Variants in MINDY4 observed in about 807,000 individuals in gnomAD.
MINDY4 encodes MINDY lysine 48 deubiquitinase 4.
Under a neutral mutation model 87.0 loss-of-function variants are expected in MINDY4, and 68 were observed. The observed-to-expected ratio is 0.78, with a 90% CI of 0.64 to 0.96. The LOEUF (loss-of-function observed/expected upper bound fraction) is 0.96, where lower values mean the gene tolerates loss of function less well. Among genes scored for constraint, MINDY4 ranks in the 40% least tolerant of loss-of-function variants. MINDY4 has a pLI of 0.00. For missense variants in MINDY4, 919 were observed against 928.2 expected (o/e 0.99, Z 0.13); for synonymous variants, 379 against 363.2 (o/e 1.04, Z -0.50).
At chr7:30,816,090 C>T (rs1403217627) in intron 5 of MINDY4, among the ~76,000 whole-genome samples, 1 of 151,982 alleles carries the variant, frequency 6.6e-6, no homozygotes, top group Non-Finnish European at 1.5e-5. Flanking sequence ...TTAGCCTTTT[C>T]AGCCCTTCCA....
At chr7:30,788,693 G>A (rs982943307) in intron 4 of MINDY4, among the ~76,000 whole-genome samples, 6 of 152,088 alleles carry the variant, frequency 3.9e-5, no homozygotes, top group East Asian at 1.9e-4. Flanking sequence ...AAATACCCAC[G>A]CTTGAGTAAC....
At chr7:30,879,996 G>T (rs984347233) in intron 15 of MINDY4, among the ~76,000 whole-genome samples, 4 of 152,214 alleles carry the variant, frequency 2.6e-5, no homozygotes, top group Admixed American at 6.5e-5. Flanking sequence ...GTGGAAATGT[G>T]TGGGTTTGAT....
In MINDY4 at chr7:30,883,003, G is replaced by A; in HGVS notation, c.2225+10G>A. The A allele has an allele frequency of 6.2e-7, 1 of 1,613,512 alleles. No individual in the cohort carries two copies. The highest frequency in any genetic ancestry group is 8.5e-7 in the Non-Finnish European group (1 of 1,179,612). ...TCTGCATCAGAACCAAGTGAGTCAA[G>A]CCCCTCTCTGGCTTTGAGCCTCACC... On this transcript the variant is annotated intron_variant, in intron 17 of 17. Coordinates refer to ENST00000265299, the MANE Select transcript of MINDY4 (RefSeq NM_032222.3).
chr7:30,882,412 C>T, intron 16 of MINDY4, 51 bp downstream of exon 16: 1 of 1,427,884 alleles, frequency 7.0e-7, no homozygotes. Context: ...AAGGAGCCTC[C>T]AGGCTGGTCA....
At position 30,863,963 on chromosome 7, in the gene MINDY4, G is replaced by A. The variant is rs34660703; in HGVS notation, c.1745+4639G>A. ...AGGATGCTCAGGGTCCTGGGGTCAG[G>A]ACCAGCTCTGAACCAGACCTGGGCA... On this transcript the variant is annotated intron_variant, in intron 13 of 17. Transcript: ENST00000265299. 9.0e-3 allele frequency among the ~76,000 whole-genome samples: 1,370 copies of A among 152,320 alleles called. 7 individuals are homozygous for A. Among genetic ancestry groups the A allele is most frequent in the Non-Finnish European group, 0.015 (1,004 of 68,026 alleles).
At chr7:30,858,981 G>C in intron 12 of MINDY4, 1 of 682,126 alleles carries the variant, frequency 1.5e-6, no homozygotes, top group Admixed American at 2.0e-5. Context: ...GGCCATGACT[G>C]TTGCTGTCTT....
At chr7:30,806,143 A>G (rs1787799238) in intron 5 of MINDY4, among the ~76,000 whole-genome samples, 1 of 152,210 alleles carries the variant, frequency 6.6e-6, no homozygotes, top group Admixed American at 6.5e-5. Flanking sequence ...CAATTAAGCA[A>G]AGCTTTGTTC....
intron 4 of MINDY4, 102 bp from the exon 5 acceptor site, chr7:30,791,063 C>A: frequency 8.7e-7 from 1 of 1,155,112 alleles, no homozygotes; most frequent in Non-Finnish European, 1.2e-6. Flanking sequence ...AAAAGACATT[C>A]CTGGGAGAGA....
chr7:30,787,096 G>T (rs1472229920), intron 4 of MINDY4, among the ~76,000 whole-genome samples: 1 of 152,178 alleles, frequency 6.6e-6, no homozygotes, highest in African/African-American at 2.4e-5. Context: ...CCCTGCCCCT[G>T]GCTCTATCTT....
intron 5 of MINDY4, among the ~76,000 whole-genome samples, chr7:30,821,848 C>T (rs925798844): frequency 6.6e-6 from 1 of 152,068 alleles, no homozygotes; most frequent in Admixed American, 6.5e-5. Flanking sequence ...TTTATGTTTA[C>T]CAAAATATTT....
intron 5 of MINDY4, among the ~76,000 whole-genome samples, chr7:30,792,513 T>C (rs76676760): frequency 6.6e-6 from 1 of 152,246 alleles, no homozygotes; most frequent in Non-Finnish European, 1.5e-5. Context: ...AGTTGAAAGG[T>C]GTTAAATTAT....
At chr7:30,860,787 G>A (rs1436755918) in intron 13 of MINDY4, among the ~76,000 whole-genome samples, 4 of 152,106 alleles carry the variant, frequency 2.6e-5, no homozygotes, top group Admixed American at 1.3e-4. Flanking sequence ...TCTTCATGTT[G>A]TGCACAGCTG....
chr7:30,782,268 C>A, intron 3 of MINDY4, 56 bp downstream of exon 3: 1 of 1,334,206 alleles, frequency 7.5e-7, no homozygotes, highest in Non-Finnish European at 1.0e-6. Context: ...TAACAAATTA[C>A]TATGTACTTC....
chr7:30,889,272 C>T (rs1050062212), intron 17 of MINDY4, among the ~76,000 whole-genome samples: 22 of 152,216 alleles, frequency 1.4e-4, no homozygotes, highest in Admixed American at 6.5e-5. Context: ...AAATGCTCAT[C>T]GTGTTGCTGC....
At chr7:30,891,771 TTG>T (rs1304958774) in intron 17 of MINDY4, among the ~76,000 whole-genome samples, 184 bp from the exon 18 acceptor site, 1 of 152,164 alleles carries the variant, frequency 6.6e-6, no homozygotes, top group African/African-American at 2.4e-5. Context: ...CTAGGTGTAT[TTG>T]TGTTTCGTAA....
intron 5 of MINDY4, among the ~76,000 whole-genome samples, chr7:30,823,824 AC>A (rs1245289911): frequency 2.6e-5 from 4 of 152,204 alleles, no homozygotes; most frequent in Admixed American, 6.5e-5. Context: ...ACTTAAAAAA[AC>A]AAATAAAAAA....
At chr7:30,837,144 A>G (rs1029122177) in intron 7 of MINDY4, among the ~76,000 whole-genome samples, 4 of 152,170 alleles carry the variant, frequency 2.6e-5, no homozygotes, top group Non-Finnish European at 5.9e-5. Context: ...GTTGCAGTGA[A>G]GGAAGGACAG....
chr7:30,788,366 C>G (rs1341291911), intron 4 of MINDY4, among the ~76,000 whole-genome samples: 2 of 152,126 alleles, frequency 1.3e-5, no homozygotes, highest in African/African-American at 4.8e-5. Context: ...GAAGTTTTTA[C>G]CCCTGAATGA....
Position 30,850,898 on chromosome 7 carries a change from G to A in MINDY4, c.1547+343G>A, listed in dbSNP as rs547674344. 2.6e-5 allele frequency among the ~76,000 whole-genome samples: 4 copies of A among 152,278 alleles called. No homozygotes were observed. The East Asian group carries it at 7.7e-4, about 29-fold the overall frequency. On this transcript the variant is annotated intron_variant, in intron 10 of 17. Coordinates refer to ENST00000265299, the MANE Select transcript of MINDY4 (RefSeq NM_032222.3). The stretch of plus-strand genomic sequence containing the variant: ...CTCTCTATAGTTCTCTGATCTGGAG[G>A]CCTCAGGAAATAGCCCCTCAGGTTG...
Sources: allele counts gnomAD v4.1 joint callset (sites outside exome capture counted in the v4.1 genomes callset), GRCh38; gene constraint gnomAD v4.1.1; transcripts MANE v1.5; gene names NCBI Gene and HGNC (gene_info 2026-07-23, HGNC 2026-07-21).